L1TD1: variants seen among roughly 807,000 people sequenced by gnomAD.
The protein encoded by L1TD1 is LINE-1 type transposase domain-containing protein 1.
L1TD1 carries 26 observed loss-of-function variants against 25.7 expected under a neutral mutation model. That is an observed-to-expected ratio of 1.01 (90% CI 0.74 to 1.40). The LOEUF (loss-of-function observed/expected upper bound fraction) is 1.40. Ranked by LOEUF, L1TD1 falls within the 40% of genes most tolerant of loss-of-function variation. The probability of loss-of-function intolerance (pLI) is 0.00; values close to 1 mark genes in which losing one functional copy is unlikely to be tolerated. For missense variants in L1TD1, 1,130 were observed against 975.0 expected, an observed-to-expected ratio of 1.16 and a Z score of -2.12; for synonymous variants, 421 against 335.6, an observed-to-expected ratio of 1.25 and a Z score of -2.78.
At chr1:62,209,133 A>G (rs917162507) in intron 3 of L1TD1, among the ~76,000 whole-genome samples, 2 of 152,176 alleles carry the variant, frequency 1.3e-5, no homozygotes, top group South Asian at 4.1e-4. Flanking sequence ...TGATGCTGCC[A>G]TTAGACCCTG....
In L1TD1 at chr1:62,211,694, G is replaced by A. The variant is rs12122679; in HGVS notation, c.*322G>A. 0.23 allele frequency: 44,196 copies of A among 193,494 alleles called. 6,056 individuals carry two copies. The highest frequency in any genetic ancestry group is 0.31 in the Admixed American group (5,649 of 18,472). 12.0% of individuals were successfully genotyped at this position (193,494 alleles called of 1,614,324 possible). A position where few individuals can be genotyped will look rare whatever the true frequency, so the allele number is the denominator to read the frequency against. On this transcript the variant is annotated 3_prime_UTR_variant, in exon 4 of 4. Transcript: ENST00000498273. Reference sequence around the variant, plus strand: ...GAATTTATATTATCTGGCTGGGCACGGTGGCTCACACCTGTAATCCCAGCA... The same window carrying A: ...GAATTTATATTATCTGGCTGGGCACAGTGGCTCACACCTGTAATCCCAGCA...
intron 2 of L1TD1, among the ~76,000 whole-genome samples, chr1:62,204,927 C>T (rs1173132875): frequency 6.6e-6 from 1 of 152,090 alleles, no homozygotes; most frequent in Non-Finnish European, 1.5e-5. Context: ...CAGTGCACGC[C>T]ACCACACCAG....
intron 2 of L1TD1, among the ~76,000 whole-genome samples, chr1:62,205,896 T>A (rs1160291593): frequency 2.0e-5 from 3 of 151,990 alleles, no homozygotes; most frequent in Non-Finnish European, 2.9e-5. Context: ...TATGCCCAGC[T>A]AATTTTTTAT....
chr1:62,205,381 CTCTCTCTT>C (rs1278779694), intron 2 of L1TD1, among the ~76,000 whole-genome samples: 1,411 of 76,534 alleles, frequency 0.018, 31 homozygotes, highest in Middle Eastern at 0.025. Context: ...CTTTCTCTCT[CTCTCTCTT>C]TCTCTCTCTC....
In L1TD1 at chr1:62,207,134, A is replaced by G. The variant is rs930546299; in HGVS notation, c.506A>G (p.Glu169Gly). The change falls in exon 3 of 4, where the codon GAA (glutamate) becomes GGA (glycine). Residue 169 changes from glutamate (E) to glycine (G), a missense_variant. Glu to Gly is a moderately conservative substitution (Grantham distance 98, BLOSUM62 -2). Coordinates refer to ENST00000498273, the MANE Select transcript of L1TD1 (RefSeq NM_019079.5). ...KLPQGESRSYEVMGSMEETLC... is the reference protein window; with the variant it reads ...KLPQGESRSYGVMGSMEETLC... ...CCCCAGGGTGAATCACGAAGTTACG[A>G]AGTCATGGGAAGTATGGAAGAAACC... is the stretch of plus-strand genomic sequence containing the variant. The G allele has an allele frequency of 6.3e-7, 1 of 1,579,212 alleles. No homozygotes were observed. The highest frequency in any genetic ancestry group is 1.3e-5 in the African/African-American group (1 of 74,206).
Position 62,207,112 on chromosome 1 carries a change from C to T in L1TD1, c.484C>T (p.Gln162Ter). Reference protein sequence around the residue: ...YNSNDGKKLPQGESRSYEVMG... With the variant: ...YNSNDGKKLP The stretch of plus-strand genomic sequence containing the variant: ...TAGTAATGATGGTAAGAAATTACCC[C>T]AGGGTGAATCACGAAGTTACGAAGT... Residue 162 changes from glutamine (Q) to a stop codon, truncating the protein, a stop_gained, in exon 3 of 4, where the codon CAG (glutamine) becomes TAG (stop). Transcript: ENST00000498273. LOFTEE classifies it high-confidence loss of function. 6.2e-7 allele frequency: 1 copy of T among 1,602,082 alleles called. No individual in the cohort carries two copies. The highest frequency in any genetic ancestry group is 8.5e-7 in the Non-Finnish European group (1 of 1,173,464).
intron 1 of L1TD1, among the ~76,000 whole-genome samples, chr1:62,195,495 T>C (rs996872313): frequency 1.3e-5 from 2 of 152,232 alleles, no homozygotes; most frequent in African/African-American, 4.8e-5. Flanking sequence ...GGCTCACGCC[T>C]GTAATCCCAG....
intron 2 of L1TD1, among the ~76,000 whole-genome samples, chr1:62,203,068 C>T (rs1670673116): frequency 6.6e-6 from 1 of 152,004 alleles, no homozygotes; most frequent in Non-Finnish European, 1.5e-5. Context: ...GCAATCCGCT[C>T]ACTCACCTCG....
At position 62,212,173 on chromosome 1, in the gene L1TD1, C is replaced by A. The variant is rs12755711; in HGVS notation, c.*801C>A. ...ATCCCAGCAGTTTAGGGGGCCAAGG[C>A]AGGTGGGTCACTTGAGCCCAAGAGT... On this transcript the variant is annotated 3_prime_UTR_variant, in exon 4 of 4. Transcript: ENST00000498273. 0.22 allele frequency: 33,172 copies of A among 151,892 alleles called. 3,839 individuals carry two copies. Among genetic ancestry groups the A allele is most frequent in the Middle Eastern group, 0.3 (86 of 290 alleles). The allele number at this position is 151,892 out of a possible 1,614,324, so 9.4% of individuals were successfully genotyped here.
In L1TD1 at chr1:62,210,196, G is replaced by A. The variant is rs756541236; in HGVS notation, c.1422G>A (p.Glu474=). 1 of 1,614,038 alleles carries A rather than the reference G, an allele frequency of 6.2e-7. No homozygotes were observed. The highest frequency in any genetic ancestry group is 8.5e-7 in the Non-Finnish European group (1 of 1,180,024). ...GMETTFIDSV[E]DSESEEEEEG... is the part of the protein sequence containing the mutation. Reference sequence around the variant, plus strand: ...AAACTACTTTCATTGACTCTGTAGAGGATTCTGAATCAGAGGAGGAAGAAG... The same window carrying A: ...AAACTACTTTCATTGACTCTGTAGAAGATTCTGAATCAGAGGAGGAAGAAG... Residue 474 remains glutamate, a synonymous_variant, in exon 4 of 4, where the codon GAG becomes GAA. Coordinates refer to ENST00000498273, the MANE Select transcript of L1TD1 (RefSeq NM_019079.5).
Position 62,210,967 on chromosome 1 carries a change from A to G in L1TD1, c.2193A>G (p.Glu731=). Residue 731 remains glutamate (E), a synonymous_variant, in exon 4 of 4, where the codon GAA becomes GAG. Coordinates refer to ENST00000498273, the MANE Select transcript of L1TD1 (RefSeq NM_019079.5). ...AAATAATTGATGAAAACTTTGCAGA[A>G]CTAAAGAAAGGTTCAAGTCTTGAGA... The part of the protein sequence containing the change: ...IKEIIDENFA[E]LKKGSSLEIV... 6.5e-7 allele frequency: 1 copy of G among 1,545,662 alleles called. No individual in the cohort carries two copies. Among genetic ancestry groups the G allele is most frequent in the Non-Finnish European group, 8.7e-7 (1 of 1,145,662 alleles).
At chr1:62,205,116 C>T (rs943057702) in intron 2 of L1TD1, among the ~76,000 whole-genome samples, 3 of 151,766 alleles carry the variant, frequency 2.0e-5, no homozygotes, top group African/African-American at 4.8e-5. Context: ...CTTTGGAGGC[C>T]GAGGCAGGCG....
At chr1:62,209,456 T>C (rs7551174) in intron 3 of L1TD1, among the ~76,000 whole-genome samples, 2,412 of 152,186 alleles carry the variant, frequency 0.016, 62 homozygotes, top group African/African-American at 0.055. Flanking sequence ...AAGCAGACAA[T>C]TGATTAAAAT....
At chr1:62,200,434 G>C (rs1443237595) in intron 2 of L1TD1, among the ~76,000 whole-genome samples, 1 of 152,144 alleles carries the variant, frequency 6.6e-6, no homozygotes, top group African/African-American at 2.4e-5. Context: ...GCCTTCCAAA[G>C]TGCAGGAATT....
At chr1:62,196,017 G>T (rs1263047147) in intron 1 of L1TD1, among the ~76,000 whole-genome samples, 1 of 146,524 alleles carries the variant, frequency 6.8e-6, no homozygotes, top group Non-Finnish European at 1.5e-5. Flanking sequence ...AGCCTGGGCG[G>T]CAGAGCGAAA....
At chr1:62,202,300 CAAA>C (rs761414950) in intron 2 of L1TD1, among the ~76,000 whole-genome samples, 1 of 124,796 alleles carries the variant, frequency 8.0e-6, no homozygotes, top group Non-Finnish European at 1.7e-5. Flanking sequence ...AACTTCATCT[CAAA>C]AAAAAAAAAA....
intron 2 of L1TD1, among the ~76,000 whole-genome samples, chr1:62,203,952 C>G (rs1670689385): frequency 1.3e-5 from 2 of 152,150 alleles, no homozygotes; most frequent in South Asian, 2.1e-4. Flanking sequence ...TCTCAAAGTC[C>G]TGACCTCAGG....
chr1:62,197,397 T>TATATATATATATATATATA (rs1670562305), intron 2 of L1TD1, among the ~76,000 whole-genome samples: 1 of 80,858 alleles, frequency 1.2e-5, no homozygotes, highest in Non-Finnish European at 2.6e-5. Context: ...AAAAAATAAA[T>TATATATATATATATATATA]TATATATATA....
chr1:62,207,184 G>T lies in L1TD1; in HGVS notation c.556G>T (p.Gly186Ter), dbSNP rs760076775. 1 of 1,552,860 alleles carries T rather than the reference G, an allele frequency of 6.4e-7. No individual in the cohort carries two copies. The highest frequency in any genetic ancestry group is 2.0e-5 in the Admixed American group (1 of 51,048). ...ETLCNIDDRD[G>*]NRNVHLEFTE... is the part of the protein sequence containing the mutation. ...CTTATGCAATATAGATGACAGAGAT[G>T]GAAATCGCAATGTCCATTTAGAATT... Residue 186 changes from glycine (G) to a stop codon, truncating the protein, a stop_gained, in exon 3 of 4, where the codon GGA (glycine) becomes TGA (stop). Coordinates refer to ENST00000498273, the MANE Select transcript of L1TD1 (RefSeq NM_019079.5). LOFTEE classifies it high-confidence loss of function.
Sources: gnomAD v4.1 joint callset for allele counts (sites outside exome capture counted in the v4.1 genomes callset) on GRCh38, gnomAD v4.1.1 for gene constraint, MANE v1.5 for transcripts, NCBI Gene and HGNC (gene_info 2026-07-23, HGNC 2026-07-21) for gene names.